The following MAP4K3 variants were observed in gnomAD, a reference collection of about 807,000 sequenced individuals.
The protein encoded by MAP4K3 is mitogen-activated protein kinase kinase kinase kinase 3.
A neutral mutation model predicts 143.5 loss-of-function variants in MAP4K3; 94 were observed. The ratio of observed to expected loss-of-function variants is 0.65; its 90% CI spans 0.55 to 0.78. The LOEUF is 0.78. Ranked by LOEUF, MAP4K3 falls within the 30% of genes least tolerant of loss-of-function variation. The pLI, the probability that MAP4K3 is intolerant of heterozygous loss-of-function variation, is 0.00. For synonymous variants in MAP4K3, 416 were observed against 347.2 expected (o/e 1.20, Z -2.20); for missense variants, 1,077 against 1,068.1 (o/e 1.01, Z -0.12).
At chr2:39,336,226 C>T (rs1664951534) in intron 6 of MAP4K3, among the ~76,000 whole-genome samples, 1 of 152,010 alleles carries the variant, frequency 6.6e-6, no homozygotes, top group Non-Finnish European at 1.5e-5. Flanking sequence ...AATCCTGGCA[C>T]TTTTAGGAGG....
intron 26 of MAP4K3, among the ~76,000 whole-genome samples, chr2:39,268,509 C>T (rs1030627515): frequency 2.0e-5 from 3 of 151,656 alleles, no homozygotes; most frequent in Non-Finnish European, 2.9e-5. Context: ...TTAGTAGAGA[C>T]GGGGTTGTGC....
intron 8 of MAP4K3, among the ~76,000 whole-genome samples, chr2:39,328,864 A>G (rs1387371336): frequency 6.6e-6 from 1 of 152,192 alleles, no homozygotes; most frequent in Non-Finnish European, 1.5e-5. Context: ...AAATGTACAT[A>G]TATGTCTTAA....
chr2:39,391,937 C>T (rs1666673459), intron 1 of MAP4K3, among the ~76,000 whole-genome samples: 1 of 152,026 alleles, frequency 6.6e-6, no homozygotes, highest in Non-Finnish European at 1.5e-5. Flanking sequence ...AATCCTAGCA[C>T]TTTGGGAGGC....
At chr2:39,364,776 G>A (rs1665872436) in intron 2 of MAP4K3, among the ~76,000 whole-genome samples, 1 of 150,860 alleles carries the variant, frequency 6.6e-6, no homozygotes, top group African/African-American at 2.4e-5. Flanking sequence ...GCTGAAGCAG[G>A]AGAATTGCAT....
chr2:39,408,799 AAG>A (rs2148615536), intron 1 of MAP4K3, among the ~76,000 whole-genome samples: 1 of 152,296 alleles, frequency 6.6e-6, no homozygotes, highest in South Asian at 2.1e-4. Flanking sequence ...GATGAGGAAG[AAG>A]ACAAAGAAGA....
intron 1 of MAP4K3, among the ~76,000 whole-genome samples, chr2:39,403,672 C>A (rs1422623596): frequency 6.6e-6 from 1 of 152,010 alleles, no homozygotes; most frequent in East Asian, 1.9e-4. Flanking sequence ...ACAAGGACTG[C>A]AACTCTTAGG....
chr2:39,416,553 G>A (rs1052832352), intron 1 of MAP4K3, among the ~76,000 whole-genome samples: 8 of 152,166 alleles, frequency 5.3e-5, no homozygotes, highest in African/African-American at 1.9e-4. Context: ...TTAAAAGCAT[G>A]AACTATTTTC....
chr2:39,428,105 T>C (rs1373288019), intron 1 of MAP4K3, among the ~76,000 whole-genome samples: 1 of 152,228 alleles, frequency 6.6e-6, no homozygotes, highest in Non-Finnish European at 1.5e-5. Context: ...AGTTTTATTG[T>C]TTTCTTCTAA....
intron 28 of MAP4K3, among the ~76,000 whole-genome samples, chr2:39,262,848 T>C (rs1680620616): frequency 6.6e-6 from 1 of 152,142 alleles, no homozygotes; most frequent in African/African-American, 2.4e-5. Context: ...CTCAAACCTG[T>C]AATCCCAGCA....
chr2:39,413,216 T>A (rs1420777818), intron 1 of MAP4K3, among the ~76,000 whole-genome samples: 1 of 152,148 alleles, frequency 6.6e-6, no homozygotes, highest in East Asian at 1.9e-4. Context: ...GAAAAATACA[T>A]GAGTAACCAA....
Position 39,299,726 on chromosome 2 carries a change from A to C in MAP4K3, c.1178+17T>G. 6.8e-7 allele frequency: 1 copy of C among 1,480,562 alleles called. No homozygotes were observed. The highest frequency in any genetic ancestry group is 1.3e-5 in the South Asian group (1 of 75,726). The allele number at this position is 1,480,562 out of a possible 1,614,324, so 91.7% of individuals were successfully genotyped here. ...AATTCTTGAATTTAAATTAAGTTTTAAAAGAACTTTACTTACTTGTTTGCA... is the reference window on the plus strand; with the variant it reads ...AATTCTTGAATTTAAATTAAGTTTTCAAAGAACTTTACTTACTTGTTTGCA... On this transcript the variant is annotated intron_variant, in intron 16 of 33. Coordinates refer to ENST00000263881, the MANE Select transcript of MAP4K3 (RefSeq NM_003618.4).
chr2:39,333,003 A>G lies in MAP4K3; in HGVS notation c.457+529T>C, dbSNP rs1454616656. On this transcript the variant is annotated intron_variant, in intron 7 of 33. Transcript: ENST00000263881. ...AACGAACACTTGTTCTTAAACTTGC[A>G]AATTAAGTCATTATTTAGGTTTTGA... Among the ~76,000 whole-genome samples the G allele has an allele frequency of 2.0e-5, 3 of 152,238 alleles. No individual in the cohort carries two copies. In the South Asian group the frequency reaches 6.2e-4, roughly 32 times the overall value.
chr2:39,381,740 A>G (rs868809569), intron 1 of MAP4K3, among the ~76,000 whole-genome samples: 7 of 152,296 alleles, frequency 4.6e-5, no homozygotes, highest in African/African-American at 1.4e-4. Context: ...GCCCCCATCT[A>G]TATTTCTAGT....
rs1418726994 is a variant in MAP4K3, at chr2:39,251,677, GCTAA to G, written c.2597+149_2597+152del. ...TGGAAGATCAGGTACATTTTCAAAG[GCTAA>G]CTTTCTGACCTGTGAATTCTTATAG... On this transcript the variant is annotated intron_variant, in intron 33 of 33. Transcript: ENST00000263881. Among the ~76,000 whole-genome samples, 7 of 152,272 alleles carry G rather than the reference GCTAA, an allele frequency of 4.6e-5. No individual in the cohort carries two copies. In the East Asian group the frequency reaches 9.6e-4, roughly 21 times the overall value.
At chr2:39,263,215 C>T (rs934122906) in intron 28 of MAP4K3, among the ~76,000 whole-genome samples, 1 of 150,854 alleles carries the variant, frequency 6.6e-6, no homozygotes, top group Admixed American at 6.6e-5. Context: ...AGTATAGAAA[C>T]ATCATAAATA....
chr2:39,432,103 C>A (rs1176858162), intron 1 of MAP4K3, among the ~76,000 whole-genome samples: 5 of 152,176 alleles, frequency 3.3e-5, no homozygotes, highest in African/African-American at 1.2e-4. Flanking sequence ...AAGTACCAAG[C>A]CTTGTCATTT....
chr2:39,435,917 G>C (rs1288244848), intron 1 of MAP4K3, among the ~76,000 whole-genome samples: 4 of 152,212 alleles, frequency 2.6e-5, no homozygotes, highest in Non-Finnish European at 5.9e-5. Flanking sequence ...GTAAAAACCT[G>C]CTTAAACATG....
At chr2:39,328,950 C>G (rs1029847590) in intron 8 of MAP4K3, among the ~76,000 whole-genome samples, 5 of 152,180 alleles carry the variant, frequency 3.3e-5, no homozygotes, top group African/African-American at 9.7e-5. Flanking sequence ...TTTCGAACAA[C>G]TGAATAACTG....
At position 39,403,500 on chromosome 2, in the gene MAP4K3, T is replaced by A. The variant is rs114518890; in HGVS notation, c.97-25377A>T. ...AGCACAGTGATTGTGAGACTTTGCATTGAACTCAGCTGACACCCGACCATG... is the reference window on the plus strand; with the variant it reads ...AGCACAGTGATTGTGAGACTTTGCAATGAACTCAGCTGACACCCGACCATG... On this transcript the variant is annotated intron_variant, in intron 1 of 33. Transcript: ENST00000263881. Among the ~76,000 whole-genome samples the A allele has an allele frequency of 2.4e-3, 369 of 152,234 alleles. 3 individuals carry two copies. The highest frequency in any genetic ancestry group is 8.6e-3 in the African/African-American group (359 of 41,540).
Sources: gnomAD v4.1 joint callset for allele counts (sites outside exome capture counted in the v4.1 genomes callset) on GRCh38, gnomAD v4.1.1 for gene constraint, MANE v1.5 for transcripts, NCBI Gene and HGNC (gene_info 2026-07-23, HGNC 2026-07-21) for gene names.